Variants in CSMD1 observed in about 807,000 individuals in gnomAD.
CSMD1 encodes the protein CUB and Sushi multiple domains 1.
CSMD1 carries 213 observed loss-of-function variants against 417.5 expected under a neutral mutation model. The ratio of observed to expected loss-of-function variants is 0.51; its 90% CI spans 0.46 to 0.57. The LOEUF (loss-of-function observed/expected upper bound fraction) is 0.57. Among genes scored for constraint, CSMD1 ranks in the 20% least tolerant of loss-of-function variants. The pLI is 0.00. For synonymous variants in CSMD1, 2,862 were observed against 1,736.8 expected, an observed-to-expected ratio of 1.65 and a Z score of -16.11; for missense variants, 6,923 against 4,529.7, an observed-to-expected ratio of 1.53 and a Z score of -15.17.
rs148411150 is a variant in CSMD1, at chr8:3,826,466, C to A, written c.819-72424G>T. ...CCCTTGCTCCCGGCCTACAGCAGCA[C>A]CTTTACATCTCCTAGGCAGGGGGAC... On this transcript the variant is annotated intron_variant, in intron 5 of 69. Transcript: ENST00000635120. Among the ~76,000 whole-genome samples the A allele has an allele frequency of 1.6e-3, 246 of 152,280 alleles. 5 individuals carry two copies. In the East Asian group the frequency reaches 0.035, roughly 22 times the overall value.
intron 2 of CSMD1, among the ~76,000 whole-genome samples, chr8:4,428,667 G>T (rs1023043243): frequency 2.0e-5 from 3 of 152,012 alleles, no homozygotes; most frequent in East Asian, 1.9e-4. Context: ...TAAAATAGCT[G>T]ATAATGTCAT....
intron 10 of CSMD1, among the ~76,000 whole-genome samples, chr8:3,559,684 TATCATGTTTAAA>T (rs751861462): frequency 6.6e-6 from 1 of 152,206 alleles, no homozygotes; most frequent in Non-Finnish European, 1.5e-5. Context: ...GACTGTATTA[TATCATGTTTAAA>T]ATAATGATCA....
At chr8:4,359,888 C>T (rs1325238369) in intron 3 of CSMD1, among the ~76,000 whole-genome samples, 1 of 152,212 alleles carries the variant, frequency 6.6e-6, no homozygotes, top group Non-Finnish European at 1.5e-5. Flanking sequence ...TTCTAAACAG[C>T]CCCTACCTTT....
intron 7 of CSMD1, among the ~76,000 whole-genome samples, chr8:3,706,878 T>C (rs1404153357): frequency 6.6e-6 from 1 of 152,234 alleles, no homozygotes; most frequent in African/African-American, 2.4e-5. Flanking sequence ...TTCCTTCTAC[T>C]GTTTCTCAGA....
intron 2 of CSMD1, among the ~76,000 whole-genome samples, chr8:4,461,236 C>A (rs1392253553): frequency 3.3e-5 from 5 of 151,896 alleles, no homozygotes; most frequent in African/African-American, 4.8e-5. Context: ...ATTTCTTCAA[C>A]CTGATAAAAG....
intron 2 of CSMD1, among the ~76,000 whole-genome samples, chr8:4,460,370 A>G (rs1025453668): frequency 6.6e-5 from 10 of 152,266 alleles, no homozygotes; most frequent in Admixed American, 2.0e-4. Flanking sequence ...GTAAATAACT[A>G]TATTTAAAAA....
In CSMD1 at chr8:4,442,055, T is replaced by A. The variant is rs545746182; in HGVS notation, c.303-21990A>T. Among the ~76,000 whole-genome samples, 229 of 152,312 alleles carry A rather than the reference T, an allele frequency of 1.5e-3. 2 individuals carry two copies. The highest frequency in any genetic ancestry group is 2.8e-3 in the African/African-American group (115 of 41,568). On this transcript the variant is annotated intron_variant, in intron 2 of 69. Coordinates refer to ENST00000635120, the MANE Select transcript of CSMD1 (RefSeq NM_033225.6). ...TTTCTAAGAGGTCTGGAAACCCATTTTGTTTCAAAACTGCTCAGAGTTTGA... is the reference window on the plus strand; with the variant it reads ...TTTCTAAGAGGTCTGGAAACCCATTATGTTTCAAAACTGCTCAGAGTTTGA...
At chr8:4,337,977 C>A (rs986779435) in intron 3 of CSMD1, among the ~76,000 whole-genome samples, 1 of 152,058 alleles carries the variant, frequency 6.6e-6, no homozygotes. Flanking sequence ...GTTTTGTCAA[C>A]TGTAAAATGT....
intron 5 of CSMD1, among the ~76,000 whole-genome samples, chr8:3,768,560 A>C (rs970279320): frequency 1.3e-5 from 2 of 152,232 alleles, no homozygotes; most frequent in Admixed American, 6.5e-5. Context: ...AGACACTGCT[A>C]AACAGAAACA....
rs1244848113 is a variant in CSMD1 at position 3,540,895 on chromosome 8, C to T, written c.1344+34050G>A. Among the ~76,000 whole-genome samples, 6 of 152,250 alleles carry T rather than the reference C, an allele frequency of 3.9e-5. No homozygotes were observed. The South Asian group carries it at 6.2e-4, about 16-fold the overall frequency. Reference sequence around the variant, plus strand: ...CAAGAAACAACAGATGCCGGCGAGGCTGTGGAGAAACAGAAACTCTTTTAC... The same window carrying T: ...CAAGAAACAACAGATGCCGGCGAGGTTGTGGAGAAACAGAAACTCTTTTAC... On this transcript the variant is annotated intron_variant, in intron 10 of 69. Coordinates refer to ENST00000635120, the MANE Select transcript of CSMD1 (RefSeq NM_033225.6).
intron 3 of CSMD1, among the ~76,000 whole-genome samples, chr8:4,102,588 A>G (rs921095582): frequency 1.1e-4 from 16 of 152,178 alleles, no homozygotes; most frequent in African/African-American, 3.9e-4. Flanking sequence ...AAATAATTCA[A>G]TCTAATGTAA....
chr8:4,426,216 A>G (rs938101853), intron 2 of CSMD1, among the ~76,000 whole-genome samples: 1 of 151,988 alleles, frequency 6.6e-6, no homozygotes, highest in Non-Finnish European at 1.5e-5. Context: ...CCTTTTATCT[A>G]TAGTTACCGG....
At chr8:2,973,854 G>GGTGGT (rs1563196372) in intron 56 of CSMD1, among the ~76,000 whole-genome samples, 1 of 151,088 alleles carries the variant, frequency 6.6e-6, no homozygotes, top group Admixed American at 6.6e-5. Flanking sequence ...GGTAGAGGAT[G>GGTGGT]ATGGTAGAGG....
intron 46 of CSMD1, among the ~76,000 whole-genome samples, chr8:3,097,490 G>C (rs188635554): frequency 6.6e-6 from 1 of 152,148 alleles, no homozygotes; most frequent in East Asian, 1.9e-4. Flanking sequence ...CATTCCAAGA[G>C]CCCTAGTGAT....
intron 5 of CSMD1, among the ~76,000 whole-genome samples, chr8:3,815,671 C>T (rs999832935): frequency 1.3e-5 from 2 of 150,928 alleles, no homozygotes; most frequent in Admixed American, 6.6e-5. Flanking sequence ...CAATATCCTC[C>T]CAGTCTCTTA....
chr8:3,292,084 A>T (rs1246529031), intron 25 of CSMD1, among the ~76,000 whole-genome samples: 1 of 151,664 alleles, frequency 6.6e-6, no homozygotes, highest in Non-Finnish European at 1.5e-5. Flanking sequence ...TTCATTATTT[A>T]CTCAGTAGTC....
At chr8:3,873,701 T>C (rs1053333073) in intron 5 of CSMD1, among the ~76,000 whole-genome samples, 1 of 151,930 alleles carries the variant, frequency 6.6e-6, no homozygotes, top group Non-Finnish European at 1.5e-5. Context: ...AAAATAAAAG[T>C]TAAAAATAAA....
At chr8:4,387,538 A>C (rs1340700813) in intron 3 of CSMD1, among the ~76,000 whole-genome samples, 1 of 144,338 alleles carries the variant, frequency 6.9e-6, no homozygotes, top group East Asian at 2.2e-4. Flanking sequence ...ATCTTTTACA[A>C]CACGCAGAAG....
At chr8:4,129,426 TTAGG>T (rs1802962095) in intron 3 of CSMD1, among the ~76,000 whole-genome samples, 1 of 152,154 alleles carries the variant, frequency 6.6e-6, no homozygotes, top group African/African-American at 2.4e-5. Context: ...ATTTCCTCTT[TTAGG>T]TAGATGTACT....
Sources: gnomAD v4.1 joint callset for allele counts (sites outside exome capture counted in the v4.1 genomes callset) on GRCh38, gnomAD v4.1.1 for gene constraint, MANE v1.5 for transcripts, NCBI Gene and HGNC (gene_info 2026-07-23, HGNC 2026-07-21) for gene names.